The following ROBO2 variants were observed in gnomAD, a reference collection of about 807,000 sequenced individuals.
The protein encoded by ROBO2 is roundabout homolog 2.
ROBO2 carries 53 observed loss-of-function variants against 160.8 expected under a neutral mutation model. The ratio of observed to expected loss-of-function variants is 0.33; its 90% CI spans 0.26 to 0.41. ROBO2 has a LOEUF of 0.41. Among genes scored for constraint, ROBO2 ranks in the 10% least tolerant of loss-of-function variants. The probability of loss-of-function intolerance (pLI) is 1.00; values close to 1 mark genes in which losing one functional copy is unlikely to be tolerated. For synonymous variants in ROBO2, 664 were observed against 611.7 expected, an observed-to-expected ratio of 1.09 and a Z score of -1.26; for missense variants, 1,577 against 1,722.4, an observed-to-expected ratio of 0.92 and a Z score of 1.49.
Position 77,205,557 on chromosome 3 carries a change from CA to C in ROBO2, c.388+107218del, listed in dbSNP as rs2083352953. On this transcript the variant is annotated intron_variant, in intron 2 of 25. Transcript: ENST00000461745. ...AAAGGCAACTTTTTGGGCTTGAAAA[CA>C]GAAATGCCTATTCCCCCTAAGGGCA... Among the ~76,000 whole-genome samples the C allele has an allele frequency of 2.6e-5, 4 of 152,116 alleles. No homozygotes were observed. The South Asian group carries it at 8.3e-4, about 32-fold the overall frequency.
intron 2 of ROBO2, among the ~76,000 whole-genome samples, chr3:77,145,077 T>G (rs1268092691): frequency 6.6e-6 from 1 of 152,152 alleles, no homozygotes; most frequent in African/African-American, 2.4e-5. Context: ...AGATTCAAAT[T>G]GAAATGAATA....
intron 2 of ROBO2, among the ~76,000 whole-genome samples, chr3:77,323,503 G>A (rs2065034506): frequency 1.3e-5 from 2 of 152,116 alleles, no homozygotes; most frequent in South Asian, 4.1e-4. Flanking sequence ...GAGCTTTTCT[G>A]TAGAACATGG....
intron 2 of ROBO2, among the ~76,000 whole-genome samples, chr3:76,108,352 C>G (rs556606231): frequency 2.2e-4 from 34 of 152,062 alleles, no homozygotes; most frequent in African/African-American, 7.9e-4. Context: ...AATTGGAATT[C>G]AAATCTCACC....
At chr3:76,126,930 C>A (rs902390980) in intron 2 of ROBO2, among the ~76,000 whole-genome samples, 1 of 152,102 alleles carries the variant, frequency 6.6e-6, no homozygotes, top group African/African-American at 2.4e-5. Flanking sequence ...GACTGAGTTT[C>A]TGCTTAATAT....
At chr3:76,503,848 A>G (rs1166654532) in intron 2 of ROBO2, among the ~76,000 whole-genome samples, 3 of 152,200 alleles carry the variant, frequency 2.0e-5, no homozygotes, top group Non-Finnish European at 4.4e-5. Flanking sequence ...TAAGTTAGGT[A>G]GGAGAAACAC....
intron 2 of ROBO2, among the ~76,000 whole-genome samples, chr3:77,354,489 G>A (rs1165421772): frequency 6.6e-6 from 1 of 152,116 alleles, no homozygotes; most frequent in African/African-American, 2.4e-5. Context: ...CAACCAAATT[G>A]CCTTTATAAT....
chr3:77,324,739 G>A (rs368143178), intron 2 of ROBO2, among the ~76,000 whole-genome samples: 9 of 144,156 alleles, frequency 6.2e-5, no homozygotes, highest in Admixed American at 2.2e-4. Flanking sequence ...CCGAGATCGC[G>A]CCACTGCACT....
At chr3:76,641,738 T>TTTTA (rs1245082358) in intron 2 of ROBO2, among the ~76,000 whole-genome samples, 1 of 152,058 alleles carries the variant, frequency 6.6e-6, no homozygotes, top group Admixed American at 6.6e-5. Flanking sequence ...GTATGTAGGT[T>TTTTA]TTTATTTATT....
chr3:76,639,021 C>T (rs1450074491), intron 2 of ROBO2, among the ~76,000 whole-genome samples: 2 of 151,942 alleles, frequency 1.3e-5, no homozygotes, highest in Non-Finnish European at 2.9e-5. Context: ...ACTTCTATTC[C>T]AAAGACTCCA....
At chr3:76,390,076 A>G (rs2077073697) in intron 2 of ROBO2, among the ~76,000 whole-genome samples, 2 of 152,140 alleles carry the variant, frequency 1.3e-5, no homozygotes. Context: ...CATAAGGACT[A>G]TTGAATTTTA....
At chr3:76,998,597 C>G (rs375549523) in intron 2 of ROBO2, among the ~76,000 whole-genome samples, 9 of 152,108 alleles carry the variant, frequency 5.9e-5, no homozygotes, top group Non-Finnish European at 4.4e-5. Context: ...TCATAACATA[C>G]CGTGTGTAAT....
At chr3:77,602,351 CGACACA>C (rs763141555) in exon 20 of ROBO2, 1 of 1,614,078 alleles carries the variant, frequency 6.2e-7, no homozygotes, top group Non-Finnish European at 8.5e-7. Context: ...CCATATGCCA[CGACACA>C]GATCTTGCAT....
intron 2 of ROBO2, among the ~76,000 whole-genome samples, chr3:76,795,318 C>T (rs1035035011): frequency 3.4e-4 from 52 of 152,172 alleles, no homozygotes; most frequent in South Asian, 4.1e-4. Context: ...CAGAATAATT[C>T]TCTGTAGCAT....
At chr3:76,592,493 G>C (rs1451441660) in intron 2 of ROBO2, among the ~76,000 whole-genome samples, 1 of 152,056 alleles carries the variant, frequency 6.6e-6, no homozygotes, top group African/African-American at 2.4e-5. Flanking sequence ...TGATTTTAGA[G>C]ATCAAATGTA....
intron 2 of ROBO2, among the ~76,000 whole-genome samples, chr3:75,969,039 C>T (rs1284993172): frequency 6.6e-6 from 1 of 150,916 alleles, no homozygotes; most frequent in Non-Finnish European, 1.5e-5. Flanking sequence ...TTTTTCTTTC[C>T]ATGTCTGGTT....
At chr3:75,964,004 C>T (rs756268910) in intron 2 of ROBO2, among the ~76,000 whole-genome samples, 6 of 151,626 alleles carry the variant, frequency 4.0e-5, no homozygotes, top group Non-Finnish European at 7.4e-5. Flanking sequence ...AGAATTTCAC[C>T]GTATGAATTT....
chr3:77,058,400 C>T (rs2065966919), intron 1 of ROBO2, among the ~76,000 whole-genome samples: 1 of 152,106 alleles, frequency 6.6e-6, no homozygotes, highest in Admixed American at 6.5e-5. Flanking sequence ...AACTTGTACA[C>T]CTCTTCTGTA....
At chr3:77,139,805 A>G (rs371340054) in intron 2 of ROBO2, among the ~76,000 whole-genome samples, 2 of 152,192 alleles carry the variant, frequency 1.3e-5, no homozygotes. Context: ...CTGCCTCTTT[A>G]GTCACTTTGC....
At chr3:77,531,401 CA>C (rs1336445650) in intron 6 of ROBO2, among the ~76,000 whole-genome samples, 1 of 59,058 alleles carries the variant, frequency 1.7e-5, no homozygotes, top group Non-Finnish European at 3.0e-5. Flanking sequence ...TCTACAGGGA[CA>C]TTTTTTTTTT....
Sources: allele counts gnomAD v4.1 joint callset (sites outside exome capture counted in the v4.1 genomes callset), GRCh38; gene constraint gnomAD v4.1.1; transcripts MANE v1.5; gene names NCBI Gene and HGNC (gene_info 2026-07-23, HGNC 2026-07-21).